The following DOCK9 variants were observed in gnomAD, a reference collection of about 807,000 sequenced individuals.
DOCK9 encodes dedicator of cytokinesis protein 9.
In DOCK9, 89 loss-of-function variants were observed where a neutral mutation model predicts 263.3. The ratio of observed to expected loss-of-function variants is 0.34; its 90% CI spans 0.28 to 0.40. The LOEUF is 0.40. Among genes scored for constraint, DOCK9 ranks in the 10% least tolerant of loss-of-function variants. The pLI is 1.00. For synonymous variants in DOCK9, 976 were observed against 973.1 expected (o/e 1.00, Z -0.06); for missense variants, 2,140 against 2,603.4 (o/e 0.82, Z 3.87).
chr13:98,880,342 C>A (rs1329428515), intron 26 of DOCK9, among the ~76,000 whole-genome samples: 1 of 151,986 alleles, frequency 6.6e-6, no homozygotes, highest in African/African-American at 2.4e-5. Context: ...ACTATTAATC[C>A]TCAAGAGCCA....
chr13:98,822,750 C>T (rs1383952903), intron 45 of DOCK9, among the ~76,000 whole-genome samples: 1 of 152,152 alleles, frequency 6.6e-6, no homozygotes, highest in Non-Finnish European at 1.5e-5. Context: ...CTGTTAAAAC[C>T]ACGTAATAAC....
At position 99,037,009 on chromosome 13, in the gene DOCK9, G is replaced by A. The variant is rs139278769; in HGVS notation, c.129+49214C>T. Among the ~76,000 whole-genome samples, 35 of 152,232 alleles carry A rather than the reference G, an allele frequency of 2.3e-4. No individual in the cohort carries two copies. In the East Asian group the frequency reaches 6.8e-3, roughly 29 times the overall value. On this transcript the variant is annotated intron_variant, in intron 1 of 32. Transcript: ENST00000427887. ...ATAAGATACAGTTTCTGCCCTCATA[G>A]AGCTCAGACTCTGATGGATTTTTTA...
chr13:99,028,364 G>T (rs193048543), intron 1 of DOCK9, among the ~76,000 whole-genome samples: 65 of 152,202 alleles, frequency 4.3e-4, no homozygotes, highest in African/African-American at 1.4e-3. Context: ...AACAGCAAAA[G>T]TTAATGGAAA....
chr13:98,810,560 G>A (rs2091214717), intron 45 of DOCK9, among the ~76,000 whole-genome samples: 1 of 152,058 alleles, frequency 6.6e-6, no homozygotes, highest in African/African-American at 2.4e-5. Context: ...CATAATACAT[G>A]GAAAAACTGA....
At chr13:99,079,294 G>A (rs181267705) in intron 1 of DOCK9, among the ~76,000 whole-genome samples, 155 of 152,114 alleles carry the variant, frequency 1.0e-3, no homozygotes, top group Non-Finnish European at 1.2e-3. Flanking sequence ...TGTTAACATG[G>A]GGAGGCAACA....
intron 1 of DOCK9, among the ~76,000 whole-genome samples, chr13:98,964,418 G>A (rs2058991955): frequency 6.6e-6 from 1 of 152,162 alleles, no homozygotes; most frequent in Non-Finnish European, 1.5e-5. Flanking sequence ...TCAATGAGTT[G>A]AACAAGCCAG....
At chr13:98,908,324 T>C (rs1482700785) in intron 9 of DOCK9, among the ~76,000 whole-genome samples, 1 of 152,138 alleles carries the variant, frequency 6.6e-6, no homozygotes, top group Non-Finnish European at 1.5e-5. Context: ...CTGGCAATGT[T>C]TAAAGCATTA....
intron 1 of DOCK9, among the ~76,000 whole-genome samples, chr13:99,079,917 G>A (rs2042061439): frequency 6.6e-6 from 1 of 152,170 alleles, no homozygotes; most frequent in African/African-American, 2.4e-5. Context: ...GCACACGCCT[G>A]TAATTCCAGC....
chr13:99,055,421 G>A (rs183759935), intron 1 of DOCK9, among the ~76,000 whole-genome samples: 37 of 152,322 alleles, frequency 2.4e-4, no homozygotes, highest in African/African-American at 8.7e-4. Flanking sequence ...AAGTGGGAAC[G>A]TCTGCGTTGG....
intron 1 of DOCK9, among the ~76,000 whole-genome samples, chr13:98,998,579 G>A (rs1881586037): frequency 6.6e-6 from 1 of 152,108 alleles, no homozygotes; most frequent in African/African-American, 2.4e-5. Context: ...AAGTCTTGTG[G>A]TACAGGAAGC....
At chr13:98,992,524 G>A (rs1265919497) in intron 1 of DOCK9, among the ~76,000 whole-genome samples, 7 of 152,170 alleles carry the variant, frequency 4.6e-5, no homozygotes, top group African/African-American at 1.7e-4. Context: ...CACGTGTCAT[G>A]GGAGAGATCC....
chr13:98,972,725 C>T (rs1261794472), intron 1 of DOCK9, among the ~76,000 whole-genome samples: 1 of 152,236 alleles, frequency 6.6e-6, no homozygotes, highest in Non-Finnish European at 1.5e-5. Flanking sequence ...GAAGCACGTC[C>T]TTCCTGGAGC....
At chr13:99,015,871 G>A (rs1566303813) in intron 1 of DOCK9, 1 of 894,960 alleles carries the variant, frequency 1.1e-6, no homozygotes, top group Non-Finnish European at 1.4e-6. Flanking sequence ...AACCTTTAAA[G>A]TATCGTTTTT....
Position 98,817,605 on chromosome 13 carries a change from C to T in DOCK9, c.5130+6793G>A, listed in dbSNP as rs1342538528. On this transcript the variant is annotated intron_variant, in intron 45 of 52. Transcript: ENST00000682017. ...ACCACATCTAGCCTAAACTATGATTCGAATACATGCTATTTTTACTCTTGT... is the reference window on the plus strand; with the variant it reads ...ACCACATCTAGCCTAAACTATGATTTGAATACATGCTATTTTTACTCTTGT... Among the ~76,000 whole-genome samples the T allele has an allele frequency of 3.3e-5, 5 of 151,170 alleles. No individual in the cohort carries two copies. In the South Asian group the frequency reaches 1.1e-3, roughly 32 times the overall value.
At chr13:99,017,064 T>C (rs1885508322) in intron 1 of DOCK9, among the ~76,000 whole-genome samples, 1 of 152,168 alleles carries the variant, frequency 6.6e-6, no homozygotes. Context: ...TTATGCAAAG[T>C]GTGTCTGATA....
chr13:98,888,302 C>T (rs940286383), intron 17 of DOCK9, 58 bp downstream of exon 17: 73 of 1,601,922 alleles, frequency 4.6e-5, no homozygotes, highest in Middle Eastern at 1.7e-4. Context: ...GAACATGGGA[C>T]GCTGAATCTA....
chr13:99,079,527 AG>A (rs923819659), intron 1 of DOCK9, among the ~76,000 whole-genome samples: 3 of 152,258 alleles, frequency 2.0e-5, no homozygotes, highest in African/African-American at 7.2e-5. Flanking sequence ...GCATTTGCTA[AG>A]CACTCACTAT....
intron 1 of DOCK9, among the ~76,000 whole-genome samples, chr13:98,965,576 C>A (rs1332580175): frequency 6.6e-6 from 1 of 152,162 alleles, no homozygotes; most frequent in African/African-American, 2.4e-5. Context: ...ACCTCCTGAG[C>A]CCTGGCCCAG....
intron 20 of DOCK9, chr13:98,885,474 G>A (rs1233627407): frequency 7.5e-6 from 4 of 532,290 alleles, no homozygotes; most frequent in African/African-American, 1.9e-5. Context: ...TGGGTGTGGT[G>A]CGTGCCTGTA....
Sources: gnomAD v4.1 joint callset for allele counts (sites outside exome capture counted in the v4.1 genomes callset) on GRCh38, gnomAD v4.1.1 for gene constraint, MANE v1.5 for transcripts, NCBI Gene and HGNC (gene_info 2026-07-23, HGNC 2026-07-21) for gene names.